Variants in THBS2 observed in about 807,000 individuals in gnomAD.
THBS2 encodes the protein thrombospondin 2.
In THBS2, 47 loss-of-function variants were observed where a neutral mutation model predicts 135.2. The observed-to-expected ratio is 0.35, with a 90% confidence interval of 0.28 to 0.44. The LOEUF (loss-of-function observed/expected upper bound fraction) is 0.44. Among genes scored for constraint, THBS2 ranks in the 20% least tolerant of loss-of-function variants. THBS2 has a pLI of 1.00. For synonymous variants in THBS2, 639 were observed against 633.8 expected (o/e 1.01, Z -0.12); for missense variants, 1,288 against 1,603.1 (o/e 0.80, Z 3.36).
rs1779898231 is a variant in THBS2 at position 169,232,914 on chromosome 6, G to T, written c.1755C>A (p.Gly585=). Residue 585 remains glycine, a synonymous_variant, in exon 11 of 22, where the codon GGC becomes GGA. Coordinates refer to ENST00000617924, the MANE Select transcript of THBS2 (RefSeq NM_003247.5). ...GSCPVGFLGN[G]THCEDLDECA... ...CCTCGTCCAGGTCCTCACAGTGGGT[G>T]CCATTGCCCAAGAAGCCCACAGGGC... 1 of 1,588,010 alleles carries T rather than the reference G, an allele frequency of 6.3e-7. No homozygotes were observed. The highest frequency in any genetic ancestry group is 8.6e-7 in the Non-Finnish European group (1 of 1,167,740).
intron 12 of THBS2, 112 bp downstream of exon 12, chr6:169,232,552 G>T (rs1224403939): frequency 1.3e-6 from 2 of 1,492,214 alleles, no homozygotes; most frequent in Admixed American, 2.2e-5. Context: ...CCCCTCCCAT[G>T]CCTCTCCCGG....
rs1390543378 is a variant in THBS2 at position 169,240,436 on chromosome 6, T to C, written c.1032+16A>G. ...TGGTGGCCTCTTCCCCCAAGAGCCG[T>C]GTTCTGGGGCCTCACCTTGCAGGTA... is the stretch of plus-strand genomic sequence containing the variant. On this transcript the variant is annotated intron_variant, in intron 6 of 21. Transcript: ENST00000617924. 36 of 1,611,420 alleles carry C rather than the reference T, an allele frequency of 2.2e-5. No individual in the cohort carries two copies. The highest frequency in any genetic ancestry group is 4.0e-5 in the African/African-American group (3 of 74,848).
At position 169,216,225 on chromosome 6, in the gene THBS2, G is replaced by T. The variant is rs1562350387; in HGVS notation, c.*1597C>A. The T allele has an allele frequency of 6.6e-6, 1 of 152,302 alleles. No individual in the cohort carries two copies. Among genetic ancestry groups the T allele is most frequent in the East Asian group, 1.9e-4 (1 of 5,186 alleles). The allele number at this position is 152,302 out of a possible 1,614,324, so 9.4% of individuals were successfully genotyped here. A position where few individuals can be genotyped will look rare whatever the true frequency, so the allele number is the denominator to read the frequency against. ...AAAATTAATTTTATCAAAATGCAAT[G>T]TGTACATTAAGACTAAAGTTATGGA... is the stretch of plus-strand genomic sequence containing the variant. On this transcript the variant is annotated 3_prime_UTR_variant, in exon 22 of 22. Transcript: ENST00000617924.
chr6:169,236,225 TC>T (rs1270599232), intron 9 of THBS2, among the ~76,000 whole-genome samples: 1 of 59,686 alleles, frequency 1.7e-5, no homozygotes, highest in Non-Finnish European at 3.1e-5. Flanking sequence ...CCACACTCAC[TC>T]CCCATCCACA....
chr6:169,237,816 G>A (rs9766678), intron 7 of THBS2, 21 bp from the exon 8 acceptor site: 915,764 of 1,600,562 alleles, frequency 0.57, 266,571 homozygotes, highest in East Asian at 0.89. Flanking sequence ...AAGCAAACAC[G>A]GTGGCATCAG....
intron 3 of THBS2, among the ~76,000 whole-genome samples, chr6:169,247,220 C>T (rs980761981): frequency 1.3e-5 from 2 of 152,084 alleles, no homozygotes; most frequent in Admixed American, 6.5e-5. Context: ...TCTGATTAAT[C>T]GTGGTTTAGA....
At position 169,217,356 on chromosome 6, in the gene THBS2, G is replaced by C. The variant is rs12208495; in HGVS notation, c.*466C>G. The C allele has an allele frequency of 6.4e-6, 1 of 157,236 alleles. No homozygotes were observed. The highest frequency in any genetic ancestry group is 1.4e-5 in the Non-Finnish European group (1 of 71,584). 9.7% of individuals were successfully genotyped at this position (157,236 alleles called of 1,614,324 possible). A position where few individuals can be genotyped will look rare whatever the true frequency, so the allele number is the denominator to read the frequency against. On this transcript the variant is annotated 3_prime_UTR_variant, in exon 22 of 22. Transcript: ENST00000617924. ...TTAATGGGATTTGTGTGTCATTGTA[G>C]AGCAACTCTAATTCAAGAATAGTGA...
chr6:169,220,415 G>T (rs1779381190), intron 20 of THBS2, 78 bp from the exon 21 acceptor site: 1 of 1,525,502 alleles, frequency 6.6e-7, no homozygotes, highest in Non-Finnish European at 8.9e-7. Context: ...GTGATGGAAG[G>T]TTGGCTCCGG....
rs1426660929 is a variant in THBS2 at position 169,243,188 on chromosome 6, T to TCTCCCACCTTCCCACCA, written c.695-1247_695-1231dup. Among the ~76,000 whole-genome samples the TCTCCCACCTTCCCACCA allele has an allele frequency of 7.7e-4, 69 of 89,822 alleles. No individual in the cohort carries two copies. In the East Asian group the frequency reaches 0.026, roughly 33 times the overall value. The allele number at this position is 89,822 out of a possible 152,430, so 58.9% of individuals were successfully genotyped here. A position where few individuals can be genotyped will look rare whatever the true frequency, so the allele number is the denominator to read the frequency against. On this transcript the variant is annotated intron_variant, in intron 4 of 21. Transcript: ENST00000617924. ...TTCCCACCTCTCCCACCTTCCCACC[T>TCTCCCACCTTCCCACCA]CTCCCACCTTCCCACCACTCCCACC...
intron 7 of THBS2, chr6:169,239,274 C>A: frequency 2.5e-6 from 1 of 392,174 alleles, no homozygotes; most frequent in East Asian, 4.7e-5. Flanking sequence ...CACAGATCTA[C>A]GTGTGTTCTC....
intron 4 of THBS2, among the ~76,000 whole-genome samples, chr6:169,242,883 C>T (rs1210250842): frequency 2.0e-3 from 62 of 30,526 alleles, no homozygotes; most frequent in Middle Eastern, 0.025. Flanking sequence ...CTTCCCACCA[C>T]TCCCACCTTC....
chr6:169,233,489 T>G (rs1163284289), intron 10 of THBS2, among the ~76,000 whole-genome samples: 1 of 128,362 alleles, frequency 7.8e-6, no homozygotes, highest in African/African-American at 3.0e-5. Context: ...CAACTGCCCA[T>G]GCACCACCTT....
intron 16 of THBS2, 45 bp downstream of exon 16, chr6:169,226,135 C>T (rs1173990200): frequency 1.9e-6 from 3 of 1,553,992 alleles, no homozygotes; most frequent in Admixed American, 3.4e-5. Flanking sequence ...CCCCGCGTCC[C>T]TCTGATGAGG....
At chr6:169,229,416 A>G (rs1253486845) in intron 14 of THBS2, among the ~76,000 whole-genome samples, 156 bp downstream of exon 14, 1 of 152,322 alleles carries the variant, frequency 6.6e-6, no homozygotes, top group South Asian at 2.1e-4. Context: ...TTTGCAAAGG[A>G]CTGTCTTTAT....
rs1780832507 is a variant in THBS2, at chr6:169,253,846, C to T, written c.-145G>A. The T allele has an allele frequency of 6.6e-6, 1 of 152,248 alleles. No homozygotes were observed. The highest frequency in any genetic ancestry group is 1.5e-5 in the Non-Finnish European group (1 of 68,058). 9.4% of individuals were successfully genotyped at this position (152,248 alleles called of 1,614,324 possible). A position where few individuals can be genotyped will look rare whatever the true frequency, so the allele number is the denominator to read the frequency against. On this transcript the variant is annotated 5_prime_UTR_variant, in exon 1 of 22. Transcript: ENST00000617924. ...TGCAGGATGCTCCGGTGGACGTGGC[C>T]GAGCGGCTCCCGGGCAGCGCGGCTT...
intron 21 of THBS2, among the ~76,000 whole-genome samples, chr6:169,218,695 T>G (rs111163623): frequency 9.2e-6 from 1 of 108,274 alleles, no homozygotes; most frequent in Non-Finnish European, 1.8e-5. Context: ...ATGGATGGGA[T>G]GGATGGATGG....
intron 9 of THBS2, among the ~76,000 whole-genome samples, chr6:169,236,321 TCACTC>T (rs747708075): frequency 2.6e-3 from 129 of 49,544 alleles, no homozygotes; most frequent in East Asian, 9.2e-3. Context: ...CCATCCACAC[TCACTC>T]CCCCATCCAC....
Position 169,241,792 on chromosome 6 carries a change from C to G in THBS2, c.861G>C (p.Val287=). 6.2e-7 allele frequency: 1 copy of G among 1,611,404 alleles called. No individual in the cohort carries two copies. Among genetic ancestry groups the G allele is most frequent in the Non-Finnish European group, 8.5e-7 (1 of 1,178,846 alleles). ...TCTTGAGGTTCTCGCTGAGCTGGTT[C>G]ACGAGGACGTGGAGCCCCGAGAGCT... ...VQELSGLHVL[V]NQLSENLKRV... The change falls in exon 5 of 22, where the codon GTG becomes GTC. Residue 287 remains valine (V), a synonymous_variant. Transcript: ENST00000617924. This position sits in a 1 kb window ranked among gnomAD's most constrained non-coding sequence, Gnocchi z 5.5.
chr6:169,246,175 G>A, intron 4 of THBS2, 22 bp downstream of exon 4: 2 of 1,599,830 alleles, frequency 1.3e-6, no homozygotes, highest in South Asian at 1.1e-5. Flanking sequence ...TATATAAAAT[G>A]CATTTTTCAC....
Sources: gnomAD v4.1 joint callset for allele counts (sites outside exome capture counted in the v4.1 genomes callset) on GRCh38, gnomAD v4.1.1 for gene constraint, Gnocchi (gnomAD v3.1) non-coding constraint, MANE v1.5 for transcripts, NCBI Gene and HGNC (gene_info 2026-07-23, HGNC 2026-07-21) for gene names.